SLC14A2: variants seen among roughly 807,000 people sequenced by gnomAD.
SLC14A2 encodes the protein solute carrier family 14 member 2.
Under a neutral mutation model 104.6 loss-of-function variants are expected in SLC14A2, and 91 were observed. The ratio of observed to expected loss-of-function variants is 0.87; its 90% CI spans 0.73 to 1.04. The LOEUF (loss-of-function observed/expected upper bound fraction) is 1.04, where lower values mean the gene tolerates loss of function less well. SLC14A2 is among the 50% of genes least tolerant of loss of function. SLC14A2 has a pLI of 0.00. For synonymous variants in SLC14A2, 476 were observed against 466.4 expected (o/e 1.02, Z -0.27); for missense variants, 1,189 against 1,156.0 (o/e 1.03, Z -0.41).
At chr18:45,284,514 A>G (rs2084794464) in intron 1 of SLC14A2, among the ~76,000 whole-genome samples, 1 of 152,094 alleles carries the variant, frequency 6.6e-6, no homozygotes, top group Non-Finnish European at 1.5e-5. Flanking sequence ...CACCAGGTAA[A>G]GTGGCTGCTA....
At chr18:45,676,294 C>T (rs894585407) in intron 18 of SLC14A2, among the ~76,000 whole-genome samples, 11 of 152,144 alleles carry the variant, frequency 7.2e-5, no homozygotes, top group African/African-American at 2.4e-4. Context: ...CACATAGGAT[C>T]GGAGCAGGTG....
At chr18:45,669,242 A>G (rs2046085277) in intron 15 of SLC14A2, 64 bp from the exon 16 acceptor site, 1 of 1,373,098 alleles carries the variant, frequency 7.3e-7, no homozygotes, top group Non-Finnish European at 1.0e-6. Context: ...CCCCCACTGC[A>G]GCACAGTCTA....
intron 1 of SLC14A2, among the ~76,000 whole-genome samples, chr18:45,226,204 C>G (rs901920402): frequency 6.6e-6 from 1 of 152,180 alleles, no homozygotes; most frequent in Non-Finnish European, 1.5e-5. Flanking sequence ...AATAGGAACA[C>G]TTTTACACTG....
rs1012502022 is a variant in SLC14A2 at position 45,528,208 on chromosome 18, C to A, written c.-35+44886C>A. 7 of 139,572 alleles carry A rather than the reference C, an allele frequency of 5.0e-5. No individual in the cohort carries two copies. In the East Asian group the frequency reaches 1.3e-3, roughly 27 times the overall value. The allele number at this position is 139,572 out of a possible 1,614,324, so 8.6% of individuals were successfully genotyped here. A position where few individuals can be genotyped will look rare whatever the true frequency, so the allele number is the denominator to read the frequency against. On this transcript the variant is annotated intron_variant, in intron 2 of 20. Transcript: ENST00000586448. ...GGGGGGGGGGGGGGGTGTCTATATG[C>A]GAAGATTTCAAAAACATATCAGAAA...
At chr18:45,436,507 C>G (rs2086599100) in intron 1 of SLC14A2, 1 of 152,230 alleles carries the variant, frequency 6.6e-6, no homozygotes, top group Non-Finnish European at 1.5e-5. Context: ...TCTTCATTCC[C>G]TTTCCCTCTA....
At chr18:45,261,015 ATTTC>A (rs1400374492) in intron 1 of SLC14A2, among the ~76,000 whole-genome samples, 2 of 150,808 alleles carry the variant, frequency 1.3e-5, no homozygotes, top group Non-Finnish European at 2.9e-5. Flanking sequence ...TATTCTCTTA[ATTTC>A]TTTTTTTTTT....
intron 2 of SLC14A2, among the ~76,000 whole-genome samples, chr18:45,505,668 C>G (rs1343990918): frequency 1.3e-5 from 2 of 151,638 alleles, no homozygotes; most frequent in African/African-American, 4.9e-5. Context: ...TTCCAGTAGT[C>G]CTCGGCCCCC....
intron 2 of SLC14A2, among the ~76,000 whole-genome samples, chr18:45,548,799 C>G (rs949594025): frequency 2.6e-5 from 4 of 152,362 alleles, no homozygotes; most frequent in African/African-American, 7.2e-5. Context: ...GAAGTTTACA[C>G]AGGTGATGTC....
intron 1 of SLC14A2, among the ~76,000 whole-genome samples, chr18:45,239,691 G>A (rs890281359): frequency 1.3e-5 from 2 of 152,184 alleles, no homozygotes; most frequent in Non-Finnish European, 2.9e-5. Flanking sequence ...GCTTCACTGG[G>A]GAGGAAATTC....
intron 12 of SLC14A2, 75 bp downstream of exon 12, chr18:45,666,294 G>T: frequency 1.0e-6 from 1 of 997,740 alleles, no homozygotes; most frequent in Non-Finnish European, 1.6e-6. Flanking sequence ...GGAGCTGAGA[G>T]CTGTAAACAA....
At chr18:45,555,849 A>C (rs550674111) in intron 2 of SLC14A2, among the ~76,000 whole-genome samples, 3 of 152,334 alleles carry the variant, frequency 2.0e-5, no homozygotes, top group African/African-American at 7.2e-5. Flanking sequence ...CTGGGGGTGT[A>C]AACAGACTTC....
At chr18:45,480,682 C>A (rs2087475189) in intron 1 of SLC14A2, among the ~76,000 whole-genome samples, 1 of 152,210 alleles carries the variant, frequency 6.6e-6, no homozygotes, top group African/African-American at 2.4e-5. Flanking sequence ...ATGCCCACTG[C>A]CACCTTCCCC....
At chr18:45,339,254 G>A (rs374566908) in intron 1 of SLC14A2, among the ~76,000 whole-genome samples, 59 of 152,244 alleles carry the variant, frequency 3.9e-4, no homozygotes, top group East Asian at 1.2e-3. Flanking sequence ...ACAAGCCACC[G>A]CACCTGGCCT....
chr18:45,341,377 T>C (rs1350192089), intron 1 of SLC14A2, among the ~76,000 whole-genome samples: 1 of 152,210 alleles, frequency 6.6e-6, no homozygotes, highest in Non-Finnish European at 1.5e-5. Flanking sequence ...TTTGCAGTCA[T>C]GCACAGAGTG....
chr18:45,577,318 A>C (rs2705397), intron 2 of SLC14A2, among the ~76,000 whole-genome samples: 56,643 of 150,612 alleles, frequency 0.38, 10,881 homozygotes, highest in Non-Finnish European at 0.41. Flanking sequence ...TAGCTCCAGG[A>C]AGGAGCTATC....
At chr18:45,374,360 T>C (rs1305320479) in intron 1 of SLC14A2, among the ~76,000 whole-genome samples, 1 of 152,206 alleles carries the variant, frequency 6.6e-6, no homozygotes, top group African/African-American at 2.4e-5. Context: ...TATTAATATC[T>C]CAACTGTGAT....
intron 1 of SLC14A2, among the ~76,000 whole-genome samples, chr18:45,325,253 C>T (rs970018346): frequency 3.3e-5 from 5 of 152,108 alleles, no homozygotes; most frequent in Non-Finnish European, 7.4e-5. Flanking sequence ...CGTCAGTGAC[C>T]CACACTCGGA....
At chr18:45,656,001 G>C (rs1435178931) in intron 10 of SLC14A2, among the ~76,000 whole-genome samples, 1 of 152,190 alleles carries the variant, frequency 6.6e-6, no homozygotes, top group Non-Finnish European at 1.5e-5. Flanking sequence ...CTGGGCCTCA[G>C]TTTCCTTCTG....
At chr18:45,335,028 C>T (rs984418560) in intron 1 of SLC14A2, among the ~76,000 whole-genome samples, 12 of 152,160 alleles carry the variant, frequency 7.9e-5, no homozygotes, top group Non-Finnish European at 1.8e-4. Context: ...AACAGCTGTA[C>T]AGAAGTACAA....
Sources: gnomAD v4.1 joint callset for allele counts (sites outside exome capture counted in the v4.1 genomes callset) on GRCh38, gnomAD v4.1.1 for gene constraint, MANE v1.5 for transcripts, NCBI Gene and HGNC (gene_info 2026-07-23, HGNC 2026-07-21) for gene names.